Variants in SCAF8 observed in about 807,000 individuals in gnomAD.
The protein encoded by SCAF8 is SR-related CTD associated factor 8, also known as SR-related and CTD-associated factor 8.
In SCAF8, 23 loss-of-function variants were observed where a neutral mutation model predicts 140.5. The ratio of observed to expected loss-of-function variants is 0.16; its 90% CI spans 0.12 to 0.23. The LOEUF (loss-of-function observed/expected upper bound fraction) is 0.23. Among genes scored for constraint, SCAF8 ranks in the 10% least tolerant of loss-of-function variants. The pLI is 1.00. For missense variants in SCAF8, 1,397 were observed against 1,555.7 expected (o/e 0.90, Z 1.72); for synonymous variants, 575 against 528.9 (o/e 1.09, Z -1.20).
intron 12 of SCAF8, among the ~76,000 whole-genome samples, chr6:154,813,650 A>G (rs1778159358): frequency 6.6e-6 from 1 of 152,204 alleles, no homozygotes; most frequent in African/African-American, 2.4e-5. Flanking sequence ...TGGGATTTTT[A>G]AATATGTTAC....
intron 1 of SCAF8, among the ~76,000 whole-genome samples, chr6:154,768,732 ATC>A (rs369280638): frequency 6.6e-6 from 1 of 152,322 alleles, no homozygotes; most frequent in African/African-American, 2.4e-5. Context: ...ATTGTCAAAA[ATC>A]TCTCAAAAAT....
At chr6:154,812,982 T>C (rs1186120442) in intron 12 of SCAF8, among the ~76,000 whole-genome samples, 1 of 151,682 alleles carries the variant, frequency 6.6e-6, no homozygotes, top group Non-Finnish European at 1.5e-5. Flanking sequence ...GCAGATTGTT[T>C]GAGGCCAGGA....
chr6:154,778,428 C>CT (rs1383099862), intron 3 of SCAF8, among the ~76,000 whole-genome samples: 1 of 152,074 alleles, frequency 6.6e-6, no homozygotes, highest in African/African-American at 2.4e-5. Flanking sequence ...TCATTGAGTT[C>CT]TTTTTTCTTT....
chr6:154,763,290 T>G (rs1024626958), intron 1 of SCAF8, among the ~76,000 whole-genome samples: 1 of 152,166 alleles, frequency 6.6e-6, no homozygotes, highest in Non-Finnish European at 1.5e-5. Context: ...GTATGAAGAT[T>G]GTGTTGGCTG....
At chr6:154,830,665 C>CT (rs1238728350) in intron 18 of SCAF8, among the ~76,000 whole-genome samples, 2 of 152,094 alleles carry the variant, frequency 1.3e-5, no homozygotes, top group South Asian at 2.1e-4. Context: ...CTAGAATTTA[C>CT]TTTTTTTGAG....
At chr6:154,768,853 A>C (rs1227054314) in intron 1 of SCAF8, among the ~76,000 whole-genome samples, 1 of 152,166 alleles carries the variant, frequency 6.6e-6, no homozygotes, top group Admixed American at 6.5e-5. Flanking sequence ...GCTTGAGCCC[A>C]GGTGTTTGAG....
chr6:154,812,836 G>C (rs548213878), intron 12 of SCAF8, among the ~76,000 whole-genome samples: 56 of 152,196 alleles, frequency 3.7e-4, no homozygotes, highest in Middle Eastern at 6.8e-3. Flanking sequence ...TATTGAAAGA[G>C]ATGGGAAATA....
chr6:154,762,681 G>A (rs932446131), intron 1 of SCAF8, among the ~76,000 whole-genome samples: 5 of 151,904 alleles, frequency 3.3e-5, no homozygotes, highest in African/African-American at 9.7e-5. Flanking sequence ...TTTTTTGTGA[G>A]CTACCATTTT....
chr6:154,746,672 TAG>T (rs1192721337), intron 1 of SCAF8, among the ~76,000 whole-genome samples: 3 of 152,310 alleles, frequency 2.0e-5, no homozygotes, highest in East Asian at 3.9e-4. Context: ...ACCTATTAAT[TAG>T]AGTTTGTTTA....
At chr6:154,828,423 A>G (rs996240605) in intron 18 of SCAF8, among the ~76,000 whole-genome samples, 1 of 151,558 alleles carries the variant, frequency 6.6e-6, no homozygotes, top group Non-Finnish European at 1.5e-5. Context: ...ATTTCTCTTC[A>G]TCTTCTCCTC....
Position 154,824,386 on chromosome 6 carries a change from A to T in SCAF8, c.2071+8A>T. On this transcript the variant is annotated splice_region_variant and intron_variant, in intron 17 of 19. Coordinates refer to ENST00000367178, the MANE Select transcript of SCAF8 (RefSeq NM_014892.5). ...CTTCACAACCACCACCTGGTAAGGA[A>T]TTTTTGTTTTAATATTTGAACTCTA... is the stretch of plus-strand genomic sequence containing the variant. 6.2e-7 allele frequency: 1 copy of T among 1,608,306 alleles called. No individual in the cohort carries two copies. The highest frequency in any genetic ancestry group is 2.2e-5 in the East Asian group (1 of 44,830).
chr6:154,821,377 C>G (rs1778417603), intron 15 of SCAF8, among the ~76,000 whole-genome samples: 1 of 151,598 alleles, frequency 6.6e-6, no homozygotes, highest in Non-Finnish European at 1.5e-5. Flanking sequence ...CAGTTGAACA[C>G]TTGCAGCAGA....
At chr6:154,784,599 A>G (rs1777198040) in intron 3 of SCAF8, among the ~76,000 whole-genome samples, 1 of 152,182 alleles carries the variant, frequency 6.6e-6, no homozygotes, top group African/African-American at 2.4e-5. Context: ...TGAATTTCCT[A>G]TACACTGAGT....
chr6:154,733,394 C>T (rs1211601708), upstream of SCAF8: 2 of 1,369,854 alleles, frequency 1.5e-6, no homozygotes, highest in Non-Finnish European at 1.9e-6. Flanking sequence ...CCCCGAACTG[C>T]GCGGCCCGAC....
chr6:154,763,360 C>T (rs1776460979), intron 1 of SCAF8, among the ~76,000 whole-genome samples: 2 of 152,156 alleles, frequency 1.3e-5, no homozygotes, highest in African/African-American at 2.4e-5. Context: ...AATCAGTACT[C>T]TCAAGGGCTT....
chr6:154,789,872 A>G (rs544353385), intron 4 of SCAF8, among the ~76,000 whole-genome samples: 298 of 152,336 alleles, frequency 2.0e-3, no homozygotes, highest in African/African-American at 6.7e-3. Context: ...ATGACCTGTC[A>G]TAATTGATTT....
At chr6:154,815,339 C>T (rs371218826) in intron 12 of SCAF8, among the ~76,000 whole-genome samples, 3 of 152,210 alleles carry the variant, frequency 2.0e-5, no homozygotes, top group South Asian at 2.1e-4. Context: ...AATGGGATTA[C>T]GGTGAGAAGT....
chr6:154,778,554 C>T (rs1000410986), intron 3 of SCAF8, among the ~76,000 whole-genome samples: 5 of 152,076 alleles, frequency 3.3e-5, no homozygotes, highest in Admixed American at 6.6e-5. Context: ...CACTTGAGGC[C>T]AGGAGTTCAA....
chr6:154,797,116 A>T (rs1368238358), intron 6 of SCAF8, among the ~76,000 whole-genome samples: 3 of 143,708 alleles, frequency 2.1e-5, no homozygotes, highest in Non-Finnish European at 3.2e-5. Context: ...TTTTATAATA[A>T]ATATTTATGA....
Sources: gnomAD v4.1 joint callset for allele counts (sites outside exome capture counted in the v4.1 genomes callset) on GRCh38, gnomAD v4.1.1 for gene constraint, MANE v1.5 for transcripts, NCBI Gene and HGNC (gene_info 2026-07-23, HGNC 2026-07-21) for gene names.